Variants in EGLN1 observed in about 807,000 individuals in gnomAD.
The protein encoded by EGLN1 is egl-9 family hypoxia inducible factor 1, also known as egl nine homolog 1.
EGLN1 carries 17 observed loss-of-function variants against 38.3 expected under a neutral mutation model. The observed-to-expected ratio is 0.44, with a 90% CI of 0.30 to 0.67. The LOEUF (loss-of-function observed/expected upper bound fraction) is 0.67. Ranked by LOEUF, EGLN1 falls within the 30% of genes least tolerant of loss-of-function variation. The probability of loss-of-function intolerance (pLI) is 0.08; values close to 1 mark genes in which losing one functional copy is unlikely to be tolerated. For missense variants in EGLN1, 477 were observed against 603.3 expected (o/e 0.79, Z 2.19); for synonymous variants, 283 against 257.5 (o/e 1.10, Z -0.95).
chr1:231,420,699 G>A (rs868625451), intron 1 of EGLN1, among the ~76,000 whole-genome samples: 1 of 152,276 alleles, frequency 6.6e-6, no homozygotes, highest in East Asian at 1.9e-4. Flanking sequence ...GTGACCAATA[G>A]TGGAATGGAA....
rs1687576775 is a variant in EGLN1 at position 231,364,204 on chromosome 1, A to G, written c.*2207T>C. On this transcript the variant is annotated 3_prime_UTR_variant, in exon 5 of 5. Transcript: ENST00000366641. ...CAACCCACAGATAGTAGAATCTAAT[A>G]CTTTTTACAACTGTAGAGGTACACA... 1 of 152,212 alleles carries G rather than the reference A, an allele frequency of 6.6e-6. No individual in the cohort carries two copies. The highest frequency in any genetic ancestry group is 2.4e-5 in the African/African-American group (1 of 41,434). 9.4% of individuals were successfully genotyped at this position (152,212 alleles called of 1,614,324 possible).
At chr1:231,404,669 T>C (rs1688745071) in intron 1 of EGLN1, among the ~76,000 whole-genome samples, 2 of 152,106 alleles carry the variant, frequency 1.3e-5, no homozygotes, top group Non-Finnish European at 2.9e-5. Flanking sequence ...TTTGATCCAA[T>C]CATTCTAGCT....
At chr1:231,413,255 T>C (rs1688998134) in intron 1 of EGLN1, among the ~76,000 whole-genome samples, 1 of 152,066 alleles carries the variant, frequency 6.6e-6, no homozygotes, top group South Asian at 2.1e-4. Context: ...TTTGTATTTT[T>C]AGTAGAGGTG....
chr1:231,406,961 G>C (rs1328038750), intron 1 of EGLN1, among the ~76,000 whole-genome samples: 1 of 152,034 alleles, frequency 6.6e-6, no homozygotes, highest in Non-Finnish European at 1.5e-5. Flanking sequence ...AATACTTTGG[G>C]TTGTAACCAC....
chr1:231,414,468 C>G (rs1175405476), intron 1 of EGLN1, among the ~76,000 whole-genome samples: 4 of 152,130 alleles, frequency 2.6e-5, no homozygotes, highest in African/African-American at 9.7e-5. Context: ...CTCAGAAACA[C>G]AGAGTGGGAA....
intron 1 of EGLN1, among the ~76,000 whole-genome samples, chr1:231,415,290 C>T (rs940730327): frequency 6.9e-6 from 1 of 144,240 alleles, no homozygotes; most frequent in Non-Finnish European, 1.5e-5. Flanking sequence ...AAAAAAAAAG[C>T]GTAAAATATG....
chr1:231,373,771 G>A (rs12139834), intron 2 of EGLN1, among the ~76,000 whole-genome samples: 3,455 of 151,978 alleles, frequency 0.023, 53 homozygotes, highest in East Asian at 0.07. Flanking sequence ...ACAACACTAC[G>A]TTGTTAACTA....
Position 231,421,916 on chromosome 1 carries a change from T to G in EGLN1, c.-28A>C, listed in dbSNP as rs1234183918. 3 of 1,379,982 alleles carry G rather than the reference T, an allele frequency of 2.2e-6. No individual in the cohort carries two copies. The highest frequency in any genetic ancestry group is 1.5e-5 in the African/African-American group (1 of 65,200). 85.5% of individuals were successfully genotyped at this position (1,379,982 alleles called of 1,614,324 possible). ...CGGCGGCGGCGGCGGCGACGGCGAC[T>G]GCGGCGGCCGAGCAGGAGGGGTAGC... is the stretch of plus-strand genomic sequence containing the variant. On this transcript the variant is annotated 5_prime_UTR_variant, in exon 1 of 5. Coordinates refer to ENST00000366641, the MANE Select transcript of EGLN1 (RefSeq NM_022051.3). The surrounding 1 kb of genome is among the most constrained non-coding windows in gnomAD (Gnocchi z 5.5).
intron 3 of EGLN1, among the ~76,000 whole-genome samples, chr1:231,368,171 A>G (rs964212761): frequency 6.6e-6 from 1 of 152,212 alleles, no homozygotes; most frequent in Admixed American, 6.5e-5. Flanking sequence ...AGCCTAGGTG[A>G]CAGAGTGAGC....
intron 1 of EGLN1, among the ~76,000 whole-genome samples, chr1:231,387,236 TACAC>T (rs148394377): frequency 5.5e-5 from 2 of 36,650 alleles, no homozygotes; most frequent in Non-Finnish European, 1.2e-4. Context: ...TATATATGTA[TACAC>T]ACACACACAC....
At chr1:231,402,085 A>T (rs1241820114) in intron 1 of EGLN1, among the ~76,000 whole-genome samples, 1 of 152,124 alleles carries the variant, frequency 6.6e-6, no homozygotes, top group Non-Finnish European at 1.5e-5. Context: ...GAATCTTTTC[A>T]TGCACTTGGC....
rs1238346013 is a variant in EGLN1, at chr1:231,422,079, G to C, written c.-191C>G. On this transcript the variant is annotated 5_prime_UTR_variant, in exon 1 of 5. Coordinates refer to ENST00000366641, the MANE Select transcript of EGLN1 (RefSeq NM_022051.3). ...CGGCCGCTTCCGAGTCCTAAGCTCCGGCGCAGCGCCGGCAGCCGCCTCAGC... is the reference window on the plus strand; with the variant it reads ...CGGCCGCTTCCGAGTCCTAAGCTCCCGCGCAGCGCCGGCAGCCGCCTCAGC... The C allele has an allele frequency of 4.0e-6, 2 of 496,484 alleles. No individual in the cohort carries two copies. The highest frequency in any genetic ancestry group is 6.4e-6 in the Non-Finnish European group (2 of 312,264). 30.8% of individuals were successfully genotyped at this position (496,484 alleles called of 1,614,324 possible). A position where few individuals can be genotyped will look rare whatever the true frequency, so the allele number is the denominator to read the frequency against.
intron 2 of EGLN1, among the ~76,000 whole-genome samples, chr1:231,372,172 G>T (rs901991849): frequency 1.3e-5 from 2 of 152,170 alleles, no homozygotes; most frequent in Non-Finnish European, 2.9e-5. Context: ...TGGCCCTCCT[G>T]TGTGCTCCAT....
chr1:231,419,833 G>A (rs1656508540), intron 1 of EGLN1, among the ~76,000 whole-genome samples: 1 of 152,158 alleles, frequency 6.6e-6, no homozygotes, highest in African/African-American at 2.4e-5. Context: ...AGAATCACAT[G>A]TAATGACTGT....
chr1:231,419,095 TC>T (rs902151252), intron 1 of EGLN1, among the ~76,000 whole-genome samples: 2 of 152,188 alleles, frequency 1.3e-5, no homozygotes, highest in African/African-American at 4.8e-5. Flanking sequence ...CATTTATAGA[TC>T]CTGAAGTTGC....
chr1:231,383,835 C>A (rs1688131026), intron 1 of EGLN1, among the ~76,000 whole-genome samples: 1 of 152,004 alleles, frequency 6.6e-6, no homozygotes, highest in Non-Finnish European at 1.5e-5. Flanking sequence ...TATGACTTAT[C>A]AGGTATGGCA....
intron 3 of EGLN1, 38 bp downstream of exon 3, chr1:231,370,524 C>T: frequency 1.2e-6 from 2 of 1,610,980 alleles, no homozygotes; most frequent in Non-Finnish European, 8.5e-7. Flanking sequence ...CCTGTCCTAC[C>T]ATACTCTAAA....
In EGLN1 at chr1:231,421,700, G is replaced by C. The variant is rs1469039526; in HGVS notation, c.189C>G (p.Gly63=). 6.6e-7 allele frequency: 1 copy of C among 1,513,800 alleles called. No homozygotes were observed. Among genetic ancestry groups the C allele is most frequent in the Non-Finnish European group, 8.8e-7 (1 of 1,137,050 alleles). 93.8% of individuals were successfully genotyped at this position (1,513,800 alleles called of 1,614,324 possible). ...KHKLVCQGSE[G]ALGHGVGPHQ... ...GTGGGCCCACTCCGTGGCCGAGGGCGCCCTCGCTGCCCTGGCACACGAGCT... is the reference window on the plus strand; with the variant it reads ...GTGGGCCCACTCCGTGGCCGAGGGCCCCCTCGCTGCCCTGGCACACGAGCT... The change falls in exon 1 of 5, where the codon GGC becomes GGG. Residue 63 remains glycine (G), a synonymous_variant. Coordinates refer to ENST00000366641, the MANE Select transcript of EGLN1 (RefSeq NM_022051.3). This position sits in a 1 kb window ranked among gnomAD's most constrained non-coding sequence, Gnocchi z 5.5.
chr1:231,393,630 T>TATCTGACCTCTTATATG (rs1688448124), intron 1 of EGLN1, among the ~76,000 whole-genome samples: 1 of 152,236 alleles, frequency 6.6e-6, no homozygotes, highest in Non-Finnish European at 1.5e-5. Context: ...CTGATCTTTG[T>TATCTGACCTCTTATATG]ATCTGACCTC....
Sources: allele counts gnomAD v4.1 joint callset (sites outside exome capture counted in the v4.1 genomes callset), GRCh38; gene constraint gnomAD v4.1.1; non-coding constraint Gnocchi (gnomAD v3.1); transcripts MANE v1.5; gene names NCBI Gene and HGNC (gene_info 2026-07-23, HGNC 2026-07-21).